FHIT: variants seen among roughly 807,000 people sequenced by gnomAD.
FHIT encodes bis(5'-adenosyl)-triphosphatase.
FHIT carries 19 observed loss-of-function variants against 17.9 expected under a neutral mutation model. The ratio of observed to expected loss-of-function variants is 1.06; its 90% CI spans 0.74 to 1.56. FHIT has a LOEUF of 1.56. FHIT is among the 40% of genes most tolerant of loss of function. The pLI is 0.00. For missense variants in FHIT, 248 were observed against 189.2 expected (o/e 1.31, Z -1.82); for synonymous variants, 81 against 69.7 (o/e 1.16, Z -0.81).
intron 5 of FHIT, among the ~76,000 whole-genome samples, chr3:60,410,574 A>G (rs905583594): frequency 5.9e-5 from 9 of 152,152 alleles, no homozygotes; most frequent in Non-Finnish European, 5.9e-5. Flanking sequence ...GCATAAGCAA[A>G]TAACACCTCC....
chr3:61,192,661 C>G (rs1049771248), intron 2 of FHIT, among the ~76,000 whole-genome samples: 1 of 152,248 alleles, frequency 6.6e-6, no homozygotes, highest in East Asian at 1.9e-4. Flanking sequence ...TAATTAGCAG[C>G]AAATTTATGT....
chr3:59,759,318 T>C (rs930001917), intron 8 of FHIT, among the ~76,000 whole-genome samples: 1 of 151,956 alleles, frequency 6.6e-6, no homozygotes, highest in Non-Finnish European at 1.5e-5. Context: ...TAATTGCTCA[T>C]AAAGAATGTC....
chr3:59,879,584 A>C (rs1703311608), intron 8 of FHIT, among the ~76,000 whole-genome samples: 1 of 152,200 alleles, frequency 6.6e-6, no homozygotes, highest in East Asian at 1.9e-4. Context: ...GCATGTTATG[A>C]CAAAACCGGA....
intron 5 of FHIT, among the ~76,000 whole-genome samples, chr3:60,218,880 C>CATAT (rs1014623340): frequency 2.0e-5 from 3 of 151,894 alleles, no homozygotes; most frequent in African/African-American, 7.3e-5. Flanking sequence ...TACATACATA[C>CATAT]ATATATACAT....
intron 4 of FHIT, among the ~76,000 whole-genome samples, chr3:60,551,724 C>T (rs79122802): frequency 6.7e-6 from 1 of 148,856 alleles, no homozygotes; most frequent in South Asian, 2.2e-4. Flanking sequence ...TGCCCCTGCA[C>T]TCTAGCCTGG....
intron 2 of FHIT, among the ~76,000 whole-genome samples, chr3:61,128,181 G>C (rs1408253687): frequency 6.6e-6 from 1 of 152,056 alleles, no homozygotes; most frequent in Non-Finnish European, 1.5e-5. Flanking sequence ...AAAAGAAAGA[G>C]ATAAACTCCA....
intron 2 of FHIT, among the ~76,000 whole-genome samples, chr3:61,163,977 T>A (rs2037766434): frequency 6.6e-6 from 1 of 152,112 alleles, no homozygotes; most frequent in Non-Finnish European, 1.5e-5. Context: ...AGCAACACAG[T>A]AGATCCATGG....
chr3:60,218,874 T>G (rs1703824510), intron 5 of FHIT, among the ~76,000 whole-genome samples: 1 of 152,034 alleles, frequency 6.6e-6, no homozygotes, highest in South Asian at 2.1e-4. Flanking sequence ...CATACATACA[T>G]ACATACATAT....
chr3:60,642,010 G>A (rs988816582), intron 4 of FHIT, among the ~76,000 whole-genome samples: 9 of 152,008 alleles, frequency 5.9e-5, no homozygotes, highest in African/African-American at 1.9e-4. Flanking sequence ...GGTGGGGAGT[G>A]GGACGACTAT....
At chr3:60,866,001 A>T (rs1327199282) in intron 3 of FHIT, among the ~76,000 whole-genome samples, 1 of 152,080 alleles carries the variant, frequency 6.6e-6, no homozygotes, top group Non-Finnish European at 1.5e-5. Flanking sequence ...TGACTCGGGG[A>T]AGCATTCAAC....
At position 60,822,823 on chromosome 3, in the gene FHIT, A is replaced by T. The variant is rs77397547; in HGVS notation, c.-110-812T>A. Among the ~76,000 whole-genome samples, 1,185 of 152,182 alleles carry T rather than the reference A, an allele frequency of 7.8e-3. 22 individuals carry two copies. The highest frequency in any genetic ancestry group is 0.027 in the African/African-American group (1,111 of 41,504). Reference sequence around the variant, plus strand: ...GACAAGTGACAGGGAGGCTATTGAGACCTTGCTGCTCATAAATCACTCAAT... The same window carrying T: ...GACAAGTGACAGGGAGGCTATTGAGTCCTTGCTGCTCATAAATCACTCAAT... On this transcript the variant is annotated intron_variant, in intron 3 of 9. Coordinates refer to ENST00000492590, the MANE Select transcript of FHIT (RefSeq NM_002012.4).
intron 4 of FHIT, among the ~76,000 whole-genome samples, chr3:60,737,565 T>A (rs62249306): frequency 0.45 from 67,834 of 152,056 alleles, 15,332 homozygotes; most frequent in East Asian, 0.62. Context: ...CATTAACTGC[T>A]GGGACATAAA....
chr3:60,772,251 A>G (rs535537878), intron 4 of FHIT, among the ~76,000 whole-genome samples: 2 of 144,616 alleles, frequency 1.4e-5, no homozygotes, highest in African/African-American at 5.1e-5. Flanking sequence ...AAGCATCCAG[A>G]TTATCACTGA....
intron 4 of FHIT, among the ~76,000 whole-genome samples, chr3:60,656,375 C>G (rs1472801481): frequency 3.3e-5 from 5 of 152,078 alleles, no homozygotes; most frequent in African/African-American, 7.2e-5. Flanking sequence ...TTTGAAAGAA[C>G]TCTATTACTG....
chr3:59,988,804 T>G (rs923792561), intron 7 of FHIT, among the ~76,000 whole-genome samples: 1 of 152,014 alleles, frequency 6.6e-6, no homozygotes, highest in Non-Finnish European at 1.5e-5. Flanking sequence ...AAGTAGGAAG[T>G]AGGACAAGCC....
chr3:60,341,982 T>C (rs1710538429), intron 5 of FHIT, among the ~76,000 whole-genome samples: 2 of 152,064 alleles, frequency 1.3e-5, no homozygotes, highest in African/African-American at 4.8e-5. Context: ...TTGGAATTTA[T>C]TGGGTGAAAA....
intron 1 of FHIT, among the ~76,000 whole-genome samples, chr3:61,213,986 C>A (rs2039582023): frequency 6.6e-6 from 1 of 152,112 alleles, no homozygotes; most frequent in Admixed American, 6.5e-5. Flanking sequence ...ATACCAGAAT[C>A]TCTGGGACCC....
intron 6 of FHIT, among the ~76,000 whole-genome samples, chr3:60,012,218 G>T (rs765122814): frequency 4.6e-5 from 7 of 151,562 alleles, no homozygotes; most frequent in Admixed American, 3.3e-4. Flanking sequence ...CAACTTAATG[G>T]GTTGCAATCA....
At chr3:60,708,902 C>A (rs554741541) in intron 4 of FHIT, among the ~76,000 whole-genome samples, 2 of 152,326 alleles carry the variant, frequency 1.3e-5, no homozygotes, top group African/African-American at 2.4e-5. Context: ...TAGCTAGTAA[C>A]ATTTGTAAAC....
Sources: allele counts gnomAD v4.1 joint callset (sites outside exome capture counted in the v4.1 genomes callset), GRCh38; gene constraint gnomAD v4.1.1; transcripts MANE v1.5; gene names NCBI Gene and HGNC (gene_info 2026-07-23, HGNC 2026-07-21).